The following CNTN5 variants were observed in gnomAD, a reference collection of about 807,000 sequenced individuals.
CNTN5 encodes the protein contactin 5, also known as contactin-5.
Under a neutral mutation model 129.1 loss-of-function variants are expected in CNTN5, and 77 were observed. The ratio of observed to expected loss-of-function variants is 0.60; its 90% CI spans 0.50 to 0.72. The LOEUF (loss-of-function observed/expected upper bound fraction) is 0.72. CNTN5 is among the 30% of genes least tolerant of loss of function. The probability of loss-of-function intolerance (pLI) is 0.00; values close to 1 mark genes in which losing one functional copy is unlikely to be tolerated. For missense variants in CNTN5, 1,478 were observed against 1,328.8 expected, an observed-to-expected ratio of 1.11 and a Z score of -1.75; for synonymous variants, 509 against 465.6, an observed-to-expected ratio of 1.09 and a Z score of -1.20.
At chr11:99,600,123 C>A (rs1950268960) in intron 3 of CNTN5, among the ~76,000 whole-genome samples, 1 of 152,038 alleles carries the variant, frequency 6.6e-6, no homozygotes, top group Admixed American at 6.6e-5. Flanking sequence ...ATGTGCTGTA[C>A]ACTTAACAAA....
chr11:99,035,300 G>A (rs1267472242), intron 1 of CNTN5, among the ~76,000 whole-genome samples: 1 of 150,674 alleles, frequency 6.6e-6, no homozygotes, highest in African/African-American at 2.4e-5. Context: ...TTGGTGCAGA[G>A]CTGAGTTCAA....
At chr11:100,252,104 C>T (rs1344015799) in intron 16 of CNTN5, among the ~76,000 whole-genome samples, 4 of 152,084 alleles carry the variant, frequency 2.6e-5, no homozygotes, top group African/African-American at 7.2e-5. Context: ...CTGATGATAG[C>T]CGTCCTAACT....
At chr11:99,971,852 A>G (rs1400535985) in intron 8 of CNTN5, among the ~76,000 whole-genome samples, 2 of 151,498 alleles carry the variant, frequency 1.3e-5, no homozygotes, top group African/African-American at 2.4e-5. Flanking sequence ...AAATTTATCA[A>G]AAGATTTTAA....
At chr11:99,505,675 T>C (rs191329168) in intron 2 of CNTN5, among the ~76,000 whole-genome samples, 3 of 152,326 alleles carry the variant, frequency 2.0e-5, no homozygotes, top group African/African-American at 7.2e-5. Context: ...ATAACACAAT[T>C]ATATCTCCTC....
At chr11:99,480,475 G>A (rs1945549180) in intron 2 of CNTN5, among the ~76,000 whole-genome samples, 1 of 152,100 alleles carries the variant, frequency 6.6e-6, no homozygotes, top group South Asian at 2.1e-4. Context: ...ATTATTGTAA[G>A]GCTTAAATGA....
intron 6 of CNTN5, among the ~76,000 whole-genome samples, chr11:99,886,056 G>C (rs1431985232): frequency 6.6e-6 from 1 of 151,950 alleles, no homozygotes; most frequent in African/African-American, 2.4e-5. Flanking sequence ...AAAAAATTAA[G>C]TTTATATTCA....
intron 1 of CNTN5, among the ~76,000 whole-genome samples, chr11:99,274,192 A>G (rs1237661483): frequency 1.3e-5 from 2 of 151,690 alleles, no homozygotes. Context: ...GGGGCTTAAT[A>G]GTTTAGGAGC....
chr11:100,096,649 T>C (rs1020706887), intron 13 of CNTN5, among the ~76,000 whole-genome samples: 1 of 152,102 alleles, frequency 6.6e-6, no homozygotes, highest in African/African-American at 2.4e-5. Context: ...ACTCTCATCC[T>C]AGTGACTTAT....
chr11:99,774,279 A>C (rs1279319917), intron 3 of CNTN5, among the ~76,000 whole-genome samples: 1 of 151,980 alleles, frequency 6.6e-6, no homozygotes, highest in Non-Finnish European at 1.5e-5. Flanking sequence ...TGATAAAAAA[A>C]AAAAACCAAG....
chr11:99,358,520 C>T (rs1013156779), intron 2 of CNTN5, among the ~76,000 whole-genome samples: 5 of 151,328 alleles, frequency 3.3e-5, no homozygotes, highest in African/African-American at 9.7e-5. Context: ...AAGATCGCGC[C>T]ACTGCACTCC....
At chr11:99,215,801 C>T (rs1477421298) in intron 1 of CNTN5, among the ~76,000 whole-genome samples, 2 of 152,116 alleles carry the variant, frequency 1.3e-5, no homozygotes, top group Non-Finnish European at 2.9e-5. Context: ...GAATGGAAAT[C>T]ACTGGGAGAT....
chr11:99,937,856 T>C (rs571009591), intron 7 of CNTN5, among the ~76,000 whole-genome samples: 1 of 152,286 alleles, frequency 6.6e-6, no homozygotes, highest in Admixed American at 6.5e-5. Flanking sequence ...AATGCCTTGA[T>C]CTTGAAACTG....
intron 3 of CNTN5, 64 bp downstream of exon 3, chr11:99,556,333 G>A: frequency 2.1e-6 from 2 of 972,440 alleles, no homozygotes; most frequent in Admixed American, 2.4e-5. Context: ...AATATATCAA[G>A]GTCTCCATTA....
intron 9 of CNTN5, among the ~76,000 whole-genome samples, chr11:100,009,729 C>T (rs538781923): frequency 8.3e-4 from 127 of 152,240 alleles, no homozygotes; most frequent in African/African-American, 3.1e-3. Flanking sequence ...GCCCATTTGT[C>T]TTCTAATGGT....
intron 7 of CNTN5, among the ~76,000 whole-genome samples, chr11:99,923,753 G>T (rs746689571): frequency 1.7e-5 from 2 of 116,300 alleles, no homozygotes; most frequent in Admixed American, 8.5e-5. Flanking sequence ...TAATCTATCT[G>T]TCTGTCTATC....
chr11:99,826,237 A>G (rs1946953512), intron 4 of CNTN5, among the ~76,000 whole-genome samples: 1 of 152,008 alleles, frequency 6.6e-6, no homozygotes, highest in Admixed American at 6.6e-5. Flanking sequence ...TATTTTTATT[A>G]TGTCTTATAA....
intron 2 of CNTN5, among the ~76,000 whole-genome samples, chr11:99,377,948 T>C (rs1940289312): frequency 1.3e-5 from 2 of 152,138 alleles, no homozygotes; most frequent in South Asian, 4.1e-4. Flanking sequence ...AAAATATCTA[T>C]GAGAAAGGAA....
intron 8 of CNTN5, among the ~76,000 whole-genome samples, chr11:99,977,716 A>C (rs552206865): frequency 6.6e-6 from 1 of 152,296 alleles, no homozygotes; most frequent in East Asian, 1.9e-4. Context: ...ACCATGATCT[A>C]GTTACCTCTC....
At chr11:99,369,190 A>G (rs1302025935) in intron 2 of CNTN5, among the ~76,000 whole-genome samples, 3 of 126,222 alleles carry the variant, frequency 2.4e-5, no homozygotes, top group African/African-American at 9.1e-5. Flanking sequence ...AATATATATA[A>G]TATAACATAT....
Sources: allele counts gnomAD v4.1 joint callset (sites outside exome capture counted in the v4.1 genomes callset), GRCh38; gene constraint gnomAD v4.1.1; transcripts MANE v1.5; gene names NCBI Gene and HGNC (gene_info 2026-07-23, HGNC 2026-07-21).